MROH2B: variants seen among roughly 807,000 people sequenced by gnomAD.
MROH2B encodes maestro heat like repeat family member 2B.
Under a neutral mutation model 208.6 loss-of-function variants are expected in MROH2B, and 177 were observed. That is an observed-to-expected ratio of 0.85 (90% CI 0.75 to 0.96). The LOEUF is 0.96. Among genes scored for constraint, MROH2B ranks in the 40% least tolerant of loss-of-function variants. The pLI, the probability that MROH2B is intolerant of heterozygous loss-of-function variation, is 0.00. For missense variants in MROH2B, 2,002 were observed against 1,878.7 expected (o/e 1.07, Z -1.21); for synonymous variants, 728 against 659.0 (o/e 1.10, Z -1.60).
intron 19 of MROH2B, among the ~76,000 whole-genome samples, chr5:41,041,708 A>G (rs1464668468): frequency 6.6e-6 from 1 of 152,172 alleles, no homozygotes; most frequent in African/African-American, 2.4e-5. Context: ...CTATGGTAGG[A>G]AGTAAGTAGA....
At chr5:41,007,814 T>C (rs1203470785) in intron 33 of MROH2B, among the ~76,000 whole-genome samples, 2 of 152,242 alleles carry the variant, frequency 1.3e-5, no homozygotes, top group Non-Finnish European at 2.9e-5. Flanking sequence ...GGCCAGACAG[T>C]ACTTGTGATG....
chr5:41,054,668 C>T, intron 11 of MROH2B, 99 bp downstream of exon 11: 1 of 860,786 alleles, frequency 1.2e-6, no homozygotes, highest in Non-Finnish European at 1.7e-6. Context: ...CCACAGAGTT[C>T]TTTATAAAAT....
At chr5:41,023,913 A>C (rs1249590381) in intron 24 of MROH2B, among the ~76,000 whole-genome samples, 3 of 152,230 alleles carry the variant, frequency 2.0e-5, no homozygotes, top group African/African-American at 7.2e-5. Context: ...TCAACCCAGA[A>C]TTTCATATCT....
chr5:41,010,825 A>G (rs1741750960), intron 30 of MROH2B, among the ~76,000 whole-genome samples: 1 of 152,148 alleles, frequency 6.6e-6, no homozygotes, highest in African/African-American at 2.4e-5. Flanking sequence ...ATCGTAACAA[A>G]TCTACTCTGG....
At chr5:41,024,673 C>CTT (rs1742286097) in intron 24 of MROH2B, among the ~76,000 whole-genome samples, 1 of 152,152 alleles carries the variant, frequency 6.6e-6, no homozygotes, top group Admixed American at 6.6e-5. Flanking sequence ...CTCAGCTCTG[C>CTT]ACCAAGCAGA....
At chr5:41,004,079 T>C (rs1049316334) in intron 37 of MROH2B, among the ~76,000 whole-genome samples, 6 of 152,194 alleles carry the variant, frequency 3.9e-5, no homozygotes, top group Admixed American at 2.6e-4. Context: ...TTTCTTATTG[T>C]TTGAGGGTCC....
At chr5:41,040,493 A>C (rs1284123163) in intron 19 of MROH2B, among the ~76,000 whole-genome samples, 3 of 152,206 alleles carry the variant, frequency 2.0e-5, no homozygotes, top group African/African-American at 7.2e-5. Context: ...GATTGAAAGC[A>C]TTATGCTTAG....
At chr5:41,025,729 CA>C (rs889920210) in intron 24 of MROH2B, among the ~76,000 whole-genome samples, 17 of 151,608 alleles carry the variant, frequency 1.1e-4, no homozygotes, top group Middle Eastern at 3.4e-3. Flanking sequence ...AGAGACACAA[CA>C]AAAAAAAGAG....
At chr5:41,001,755 TG>T (rs1291017373) in intron 37 of MROH2B, among the ~76,000 whole-genome samples, 4 of 150,122 alleles carry the variant, frequency 2.7e-5, no homozygotes, top group African/African-American at 9.7e-5. Context: ...AAGAGAAAGG[TG>T]GTGGTGGAGG....
At chr5:41,065,582 C>A in intron 3 of MROH2B, 92 bp from the exon 4 acceptor site, 1 of 995,556 alleles carries the variant, frequency 1.0e-6, no homozygotes, top group Non-Finnish European at 1.4e-6. Flanking sequence ...TTTATATATG[C>A]ATTTATTTAT....
chr5:41,003,596 A>T (rs925782727), intron 37 of MROH2B, among the ~76,000 whole-genome samples: 5 of 152,156 alleles, frequency 3.3e-5, no homozygotes, highest in African/African-American at 1.2e-4. Flanking sequence ...TGAGCAGAAA[A>T]ATTAGGTTTA....
Position 41,038,844 on chromosome 5 carries a change from C to T in MROH2B, c.2106G>A (p.Met702Ile). The T allele has an allele frequency of 6.2e-7, 1 of 1,613,472 alleles. No homozygotes were observed. Among genetic ancestry groups the T allele is most frequent in the South Asian group, 1.1e-5 (1 of 91,018 alleles). Reference protein sequence around the residue: ...GKKSLTKTDVMVIYGAVALHA... With the variant: ...GKKSLTKTDVIVIYGAVALHA... Reference sequence around the variant, plus strand: ...GGAGGGCCACTGCTCCATAGATGACCATGACATCTGTCTTGGTCAGGCTCT... The same window carrying T: ...GGAGGGCCACTGCTCCATAGATGACTATGACATCTGTCTTGGTCAGGCTCT... Residue 702 changes from methionine (M) to isoleucine (I), a missense_variant, in exon 21 of 42, where the codon ATG (methionine) becomes ATA (isoleucine). By Grantham distance (10) the Met-to-Ile change is conservative (BLOSUM62 1). Coordinates refer to ENST00000399564, the MANE Select transcript of MROH2B (RefSeq NM_173489.5).
At chr5:41,007,186 G>A in intron 34 of MROH2B, 128 bp downstream of exon 34, 1 of 876,400 alleles carries the variant, frequency 1.1e-6, no homozygotes, top group Non-Finnish European at 1.5e-6. Context: ...TTTCCTGTTT[G>A]TCCTCCTTCG....
Position 41,006,888 on chromosome 5 carries a change from C to A in MROH2B, c.3749+426G>T, listed in dbSNP as rs147880177. Reference sequence around the variant, plus strand: ...GCCTACATATTGGGTGCAGTGTACACTCCTCAGGTGATGGGTGCACCAAAA... The same window carrying A: ...GCCTACATATTGGGTGCAGTGTACAATCCTCAGGTGATGGGTGCACCAAAA... On this transcript the variant is annotated intron_variant, in intron 34 of 41. Transcript: ENST00000399564. Among the ~76,000 whole-genome samples the A allele has an allele frequency of 1.5e-3, 231 of 152,166 alleles. 2 individuals are homozygous for A. The highest frequency in any genetic ancestry group is 2.4e-3 in the Non-Finnish European group (164 of 68,002).
Position 41,039,541 on chromosome 5 carries a change from A to G in MROH2B, c.1968T>C (p.Ile656=). ...AATGGTTCTCGGCACAGTATCCTAA[A>G]ATAGATGTTATTCCCTAAAATCAGA... The part of the protein sequence containing the change: ...LGDQRQGITS[I]LGYCAENHLD... The change falls in exon 20 of 42, where the codon ATT becomes ATC. Residue 656 remains isoleucine, a synonymous_variant. Coordinates refer to ENST00000399564, the MANE Select transcript of MROH2B (RefSeq NM_173489.5). 6.3e-7 allele frequency: 1 copy of G among 1,589,536 alleles called. No homozygotes were observed. The highest frequency in any genetic ancestry group is 1.2e-5 in the South Asian group (1 of 86,732).
intron 32 of MROH2B, among the ~76,000 whole-genome samples, chr5:41,009,074 GT>G (rs1469814656): frequency 6.6e-6 from 1 of 152,072 alleles, no homozygotes; most frequent in Non-Finnish European, 1.5e-5. Context: ...AGATACATAG[GT>G]TTTTTGGGGG....
intron 24 of MROH2B, among the ~76,000 whole-genome samples, chr5:41,024,058 C>A (rs974647976): frequency 6.6e-6 from 1 of 152,154 alleles, no homozygotes; most frequent in Non-Finnish European, 1.5e-5. Context: ...AAAGAACAAC[C>A]AGTACCAGCC....
chr5:41,052,585 T>C lies in MROH2B; in HGVS notation c.1110A>G (p.Val370=), dbSNP rs747933986. Residue 370 remains valine, a splice_region_variant and synonymous_variant, in exon 12 of 42, where the codon GTA becomes GTG. Coordinates refer to ENST00000399564, the MANE Select transcript of MROH2B (RefSeq NM_173489.5). ...GGATGAGGAGAAGAACAGAATTTCT[T>C]ACCTAGGGTAAGAACAATGCAATAG... ...KIVMGDLSTK[V]RNSVLLLIQT... is the part of the protein sequence containing the mutation. 1.9e-6 allele frequency: 3 copies of C among 1,610,250 alleles called. No individual in the cohort carries two copies. Among genetic ancestry groups the C allele is most frequent in the East Asian group, 4.5e-5 (2 of 44,734 alleles).
chr5:41,060,996 A>T (rs563857515), intron 6 of MROH2B, among the ~76,000 whole-genome samples: 1 of 152,382 alleles, frequency 6.6e-6, no homozygotes, highest in Non-Finnish European at 1.5e-5. Flanking sequence ...GCAATTAAGC[A>T]AGATAAAGGG....
Sources: gnomAD v4.1 joint callset for allele counts (sites outside exome capture counted in the v4.1 genomes callset) on GRCh38, gnomAD v4.1.1 for gene constraint, MANE v1.5 for transcripts, NCBI Gene and HGNC (gene_info 2026-07-23, HGNC 2026-07-21) for gene names.